The following ABHD2 variants were observed in gnomAD, a reference collection of about 807,000 sequenced individuals.
ABHD2 encodes abhydrolase domain containing 2, acylglycerol lipase.
Under a neutral mutation model 48.1 loss-of-function variants are expected in ABHD2, and 20 were observed. That is an observed-to-expected ratio of 0.42 (90% CI 0.29 to 0.60). ABHD2 has a LOEUF of 0.60. Ranked by LOEUF, ABHD2 falls within the 20% of genes least tolerant of loss-of-function variation. The probability of loss-of-function intolerance (pLI) is 0.24; values close to 1 mark genes in which losing one functional copy is unlikely to be tolerated. For missense variants in ABHD2, 405 were observed against 550.9 expected (o/e 0.74, Z 2.65); for synonymous variants, 209 against 214.2 (o/e 0.98, Z 0.21).
At position 89,185,611 on chromosome 15, in the gene ABHD2, G is replaced by GAAA; in HGVS notation, c.815+104_815+106dup. ...AGCCAGGACTCCTGTTCCTTCAGGG[G>GAAA]AAAAAAAAAAATGCAGGTGTGGTAC... On this transcript the variant is annotated intron_variant, in intron 7 of 10. Transcript: ENST00000352732. The surrounding 1 kb of genome is among the most constrained non-coding windows in gnomAD (Gnocchi z 5.9). 1 of 842,198 alleles carries GAAA rather than the reference G, an allele frequency of 1.2e-6. No individual in the cohort carries two copies. The allele number at this position is 842,198 out of a possible 1,614,324, so 52.2% of individuals were successfully genotyped here.
At chr15:89,089,640 G>A (rs1042883597) in intron 1 of ABHD2, among the ~76,000 whole-genome samples, 3 of 152,182 alleles carry the variant, frequency 2.0e-5, no homozygotes, top group African/African-American at 7.2e-5. Context: ...AGAGACTGCA[G>A]GTTTGGCAGA....
rs1555428255 is a variant in ABHD2 at position 89,127,739 on chromosome 15, ATG to A, written c.194+11220_194+11221del. Among the ~76,000 whole-genome samples, 274 of 139,202 alleles carry A rather than the reference ATG, an allele frequency of 2.0e-3. 3 individuals are homozygous for A. The highest frequency in any genetic ancestry group is 7.8e-3 in the Middle Eastern group (2 of 258). 91.3% of individuals were successfully genotyped at this position (139,202 alleles called of 152,430 possible). On this transcript the variant is annotated intron_variant, in intron 3 of 10. Coordinates refer to ENST00000352732, the MANE Select transcript of ABHD2 (RefSeq NM_152924.5). The stretch of plus-strand genomic sequence containing the variant: ...TATATACACATATATATATATATAT[ATG>A]TATATTTTAAAAATTAGTCAATTAG...
intron 5 of ABHD2, among the ~76,000 whole-genome samples, chr15:89,172,972 C>T (rs750158588): frequency 6.6e-6 from 1 of 152,302 alleles, no homozygotes; most frequent in South Asian, 2.1e-4. Flanking sequence ...AAATTGAGAA[C>T]ATTTGGGGCC....
At chr15:89,115,880 C>T (rs903369293) in intron 2 of ABHD2, among the ~76,000 whole-genome samples, 1 of 152,176 alleles carries the variant, frequency 6.6e-6, no homozygotes, top group African/African-American at 2.4e-5. Context: ...TTAACACACA[C>T]CTGGGGCACC....
At chr15:89,127,726 T>C (rs867151043) in intron 3 of ABHD2, among the ~76,000 whole-genome samples, 19 of 141,908 alleles carry the variant, frequency 1.3e-4, no homozygotes, top group East Asian at 4.0e-4. Context: ...TATACACATA[T>C]ATATATATAT....
At position 89,177,666 on chromosome 15, in the gene ABHD2, A is replaced by G. The variant is rs1361635909; in HGVS notation, c.722+1671A>G. The stretch of plus-strand genomic sequence containing the variant: ...AATCTTTTCCTTCACTCCTCTGGAC[A>G]CTGGGGAGTCAGCTGAGAGGACATG... On this transcript the variant is annotated intron_variant, in intron 6 of 10. Transcript: ENST00000352732. This position sits in a 1 kb window ranked among gnomAD's most constrained non-coding sequence, Gnocchi z 5.6. Among the ~76,000 whole-genome samples the G allele has an allele frequency of 1.3e-5, 2 of 151,808 alleles. No homozygotes were observed. Among genetic ancestry groups the G allele is most frequent in the Admixed American group, 6.6e-5 (1 of 15,246 alleles).
In ABHD2 at chr15:89,097,456, C is replaced by T. The variant is rs986859375; in HGVS notation, c.-107+8893C>T. Among the ~76,000 whole-genome samples, 4 of 152,154 alleles carry T rather than the reference C, an allele frequency of 2.6e-5. No homozygotes were observed. Among genetic ancestry groups the T allele is most frequent in the African/African-American group, 9.7e-5 (4 of 41,432 alleles). ...GTTTAAAAATGGCATAAGTGTTTTT[C>T]TCCTTAAGCTTAATTTTTGTGAGTT... On this transcript the variant is annotated intron_variant, in intron 1 of 10. Coordinates refer to ENST00000352732, the MANE Select transcript of ABHD2 (RefSeq NM_152924.5). This position sits in a 1 kb window ranked among gnomAD's most constrained non-coding sequence, Gnocchi z 4.2.
intron 3 of ABHD2, among the ~76,000 whole-genome samples, chr15:89,129,862 A>G (rs116942940): frequency 6.6e-6 from 1 of 152,172 alleles, no homozygotes; most frequent in African/African-American, 2.4e-5. Flanking sequence ...TTCAGTAAAT[A>G]TAGCTGCTAT....
At chr15:89,127,757 A>G (rs1456840725) in intron 3 of ABHD2, among the ~76,000 whole-genome samples, 2 of 146,686 alleles carry the variant, frequency 1.4e-5, no homozygotes, top group Non-Finnish European at 1.5e-5. Flanking sequence ...TTTAAAAATT[A>G]GTCAATTAGT....
At position 89,195,455 on chromosome 15, in the gene ABHD2, C is replaced by G. The variant is rs200625948; in HGVS notation, c.*32C>G. ...CGGACTCTGGCACGCTCCAGCAGCC[C>G]TCCTCTGGAAGCTGCGTCCCCTCAC... On this transcript the variant is annotated 3_prime_UTR_variant, in exon 11 of 11. Transcript: ENST00000352732. This position sits in a 1 kb window ranked among gnomAD's most constrained non-coding sequence, Gnocchi z 5.1. The G allele has an allele frequency of 4.0e-5, 64 of 1,601,714 alleles. No homozygotes were observed. In the African/African-American group the frequency reaches 8.0e-4, roughly 20 times the overall value.
At chr15:89,076,483 T>C in the ABHD2 span, among the ~76,000 whole-genome samples, 1 of 152,148 alleles carries the variant, frequency 6.6e-6, no homozygotes, top group Non-Finnish European at 1.5e-5. Context: ...TTTTGTTTTG[T>C]TTTGTTTCGT....
chr15:89,117,597 G>C (rs570852767), intron 3 of ABHD2, among the ~76,000 whole-genome samples: 37 of 152,316 alleles, frequency 2.4e-4, no homozygotes, highest in African/African-American at 8.7e-4. Flanking sequence ...CATTCTGCCT[G>C]TGCCTTCTCA....
chr15:89,155,660 G>C lies in ABHD2; in HGVS notation c.538+126G>C. On this transcript the variant is annotated intron_variant, in intron 5 of 10. Coordinates refer to ENST00000352732, the MANE Select transcript of ABHD2 (RefSeq NM_152924.5). This position sits in a 1 kb window ranked among gnomAD's most constrained non-coding sequence, Gnocchi z 4.9. ...TCTGCAAGAGATGGTAGGTCACACGGTTATATCAACAGCCAACTTGTACTG... is the reference window on the plus strand; with the variant it reads ...TCTGCAAGAGATGGTAGGTCACACGCTTATATCAACAGCCAACTTGTACTG... The C allele has an allele frequency of 8.1e-7, 1 of 1,232,616 alleles. No individual in the cohort carries two copies. The highest frequency in any genetic ancestry group is 1.1e-6 in the Non-Finnish European group (1 of 895,434). The allele number at this position is 1,232,616 out of a possible 1,614,324, so 76.4% of individuals were successfully genotyped here.
intron 3 of ABHD2, among the ~76,000 whole-genome samples, chr15:89,117,238 C>T (rs2049975890): frequency 6.6e-6 from 1 of 152,198 alleles, no homozygotes; most frequent in African/African-American, 2.4e-5. Context: ...GTTGGCCAGG[C>T]TGGTCTTGAA....
chr15:89,136,305 G>A, intron 3 of ABHD2: 1 of 461,380 alleles, frequency 2.2e-6, no homozygotes, highest in South Asian at 1.6e-5. Context: ...GTCTGCCTTT[G>A]CCATATCTTC....
chr15:89,092,438 A>G lies in ABHD2; in HGVS notation c.-107+3875A>G, dbSNP rs779010233. Among the ~76,000 whole-genome samples the G allele has an allele frequency of 5.9e-5, 9 of 152,192 alleles. No homozygotes were observed. Among genetic ancestry groups the G allele is most frequent in the Non-Finnish European group, 1.0e-4 (7 of 68,022 alleles). ...AATTAGTTTGGTTTGTTGCTTAAAA[A>G]CTATTTTGTTTTAAAATTGTTTTTA... On this transcript the variant is annotated intron_variant, in intron 1 of 10. Coordinates refer to ENST00000352732, the MANE Select transcript of ABHD2 (RefSeq NM_152924.5). The surrounding 1 kb of genome is among the most constrained non-coding windows in gnomAD (Gnocchi z 4.4).
At chr15:89,052,116 T>G in the ABHD2 span, among the ~76,000 whole-genome samples, 38,782 of 152,078 alleles carry the variant, frequency 0.26, 5,133 homozygotes, top group African/African-American at 0.31. Context: ...ACAGATTTAC[T>G]CCCACAGTAT....
the ABHD2 span, among the ~76,000 whole-genome samples, chr15:89,053,982 C>T: frequency 6.6e-6 from 1 of 152,156 alleles, no homozygotes; most frequent in Non-Finnish European, 1.5e-5. Flanking sequence ...CCAAGAGAGT[C>T]TAACACATTG....
rs899309652 is a variant in ABHD2, at chr15:89,120,613, A to G, written c.194+4092A>G. 1.2e-4 allele frequency among the ~76,000 whole-genome samples: 19 copies of G among 152,210 alleles called. No homozygotes were observed. Among genetic ancestry groups the G allele is most frequent in the Middle Eastern group, 3.4e-3 (1 of 294 alleles). ...GTGATTCTCCTACCTCAGCCTCCTG[A>G]GTAGCTGGGATTACAGGCGCATGCC... On this transcript the variant is annotated intron_variant, in intron 3 of 10. Coordinates refer to ENST00000352732, the MANE Select transcript of ABHD2 (RefSeq NM_152924.5). The surrounding 1 kb of genome is among the most constrained non-coding windows in gnomAD (Gnocchi z 4.2).
Sources: gnomAD v4.1 joint callset for allele counts (sites outside exome capture counted in the v4.1 genomes callset) on GRCh38, gnomAD v4.1.1 for gene constraint, Gnocchi (gnomAD v3.1) non-coding constraint, MANE v1.5 for transcripts, NCBI Gene and HGNC (gene_info 2026-07-23, HGNC 2026-07-21) for gene names.